Variants in TULP3 observed in about 807,000 individuals in gnomAD.
TULP3 encodes the protein tubby-related protein 3.
Under a neutral mutation model 50.7 loss-of-function variants are expected in TULP3, and 38 were observed. That is an observed-to-expected ratio of 0.75 (90% confidence interval 0.58 to 0.98). The LOEUF (loss-of-function observed/expected upper bound fraction) is 0.98, where lower values mean the gene tolerates loss of function less well. Ranked by LOEUF, TULP3 falls within the 50% of genes least tolerant of loss-of-function variation. TULP3 has a pLI of 0.00. For synonymous variants in TULP3, 183 were observed against 196.6 expected, an observed-to-expected ratio of 0.93 and a Z score of 0.58; for missense variants, 550 against 568.0, an observed-to-expected ratio of 0.97 and a Z score of 0.32.
At position 2,940,569 on chromosome 12, in the gene TULP3, TC is replaced by T. The variant is rs1252098863; in HGVS notation, c.*1127del. ...TTGAGAATGCAGGAGCTCTGTGAGC[TC>T]CACCGTCAGCACCATTCAGCTGCAT... On this transcript the variant is annotated 3_prime_UTR_variant, in exon 11 of 11. Transcript: ENST00000448120. The T allele has an allele frequency of 1.3e-6, 2 of 1,551,542 alleles. No individual in the cohort carries two copies. Among genetic ancestry groups the T allele is most frequent in the Admixed American group, 2.0e-5 (1 of 50,984 alleles).
chr12:2,891,878 A>AC (rs370866315), intron 1 of TULP3, among the ~76,000 whole-genome samples: 200 of 151,714 alleles, frequency 1.3e-3, no homozygotes, highest in Middle Eastern at 6.8e-3. Context: ...AGATAGCGAG[A>AC]CCCCCATCTC....
At chr12:2,891,131 G>A (rs965524949) in intron 1 of TULP3, 143 bp downstream of exon 1, 61 of 987,606 alleles carry the variant, frequency 6.2e-5, no homozygotes, top group Non-Finnish European at 8.4e-5. Context: ...TCGGCGGCGG[G>A]AGGCGACCCC....
chr12:2,927,258 G>A (rs944918351), intron 4 of TULP3, among the ~76,000 whole-genome samples: 1 of 151,102 alleles, frequency 6.6e-6, no homozygotes, highest in African/African-American at 2.4e-5. Flanking sequence ...ACCACATTTT[G>A]TTGATCAGCT....
At position 2,938,153 on chromosome 12, in the gene TULP3, A is replaced by G. The variant is rs201262022; in HGVS notation, c.1063A>G (p.Met355Val). 3.5e-5 allele frequency: 56 copies of G among 1,614,210 alleles called. No homozygotes were observed. The highest frequency in any genetic ancestry group is 4.6e-5 in the Non-Finnish European group (54 of 1,180,044). ...SLLSRWQNRT[M>V]ENLVELHNKA... ...GCTCTCAAGGTGGCAGAACAGAACTATGGAAAATCTGGTTGAGCTGCACAA... is the reference window on the plus strand; with the variant it reads ...GCTCTCAAGGTGGCAGAACAGAACTGTGGAAAATCTGGTTGAGCTGCACAA... Residue 355 changes from methionine to valine, a missense_variant, in exon 10 of 11, where the codon ATG (methionine) becomes GTG (valine). Transcript: ENST00000448120.
At chr12:2,921,698 T>C (rs2098191881) in intron 3 of TULP3, among the ~76,000 whole-genome samples, 1 of 152,156 alleles carries the variant, frequency 6.6e-6, no homozygotes. Flanking sequence ...CTACTTTGTT[T>C]TCTTGGTCTC....
intron 1 of TULP3, among the ~76,000 whole-genome samples, chr12:2,908,056 G>A (rs1279481933): frequency 6.6e-6 from 1 of 152,128 alleles, no homozygotes; most frequent in African/African-American, 2.4e-5. Context: ...CCTCCCAAGT[G>A]ATGAAGAGGA....
chr12:2,930,897 A>G, intron 5 of TULP3, 140 bp from the exon 6 acceptor site: 1 of 904,900 alleles, frequency 1.1e-6, no homozygotes. Flanking sequence ...ACTTAATTTA[A>G]CTTTTCAGTT....
chr12:2,927,467 A>G (rs558122657), intron 4 of TULP3, among the ~76,000 whole-genome samples: 10 of 145,902 alleles, frequency 6.9e-5, no homozygotes, highest in African/African-American at 2.3e-4. Context: ...CCTGGGTTCA[A>G]GGGATTCTCT....
intron 8 of TULP3, 89 bp from the exon 9 acceptor site, chr12:2,937,542 A>G: frequency 2.1e-6 from 2 of 942,084 alleles, no homozygotes; most frequent in Admixed American, 4.1e-5. Flanking sequence ...TCAGCATCTT[A>G]CATTCCCAAG....
At chr12:2,897,964 G>C (rs2098176518) in intron 1 of TULP3, among the ~76,000 whole-genome samples, 1 of 150,546 alleles carries the variant, frequency 6.6e-6, no homozygotes, top group African/African-American at 2.4e-5. Flanking sequence ...TGTGATCCCA[G>C]CTACTTGGGA....
At chr12:2,911,546 T>C (rs1434180094) in intron 2 of TULP3, among the ~76,000 whole-genome samples, 1 of 151,320 alleles carries the variant, frequency 6.6e-6, no homozygotes, top group Non-Finnish European at 1.5e-5. Context: ...TTTTAATTTT[T>C]ACTAGAGATG....
intron 1 of TULP3, among the ~76,000 whole-genome samples, chr12:2,893,333 T>G (rs567673227): frequency 1.9e-4 from 29 of 150,784 alleles, no homozygotes; most frequent in Admixed American, 3.3e-4. Flanking sequence ...ATGTGTTTTT[T>G]TTTTTTTTTT....
intron 1 of TULP3, among the ~76,000 whole-genome samples, chr12:2,902,103 A>G (rs568925335): frequency 6.6e-6 from 1 of 152,160 alleles, no homozygotes; most frequent in Non-Finnish European, 1.5e-5. Context: ...AGTTGAACCA[A>G]ATTTTTGTAA....
intron 1 of TULP3, among the ~76,000 whole-genome samples, chr12:2,892,061 C>T (rs567073926): frequency 2.0e-5 from 3 of 148,124 alleles, no homozygotes; most frequent in African/African-American, 5.1e-5. Flanking sequence ...GCCTGGGCAA[C>T]GCAGTGACAT....
In TULP3 at chr12:2,931,162, A is replaced by G. The variant is rs1431264214; in HGVS notation, c.618A>G (p.Ile206Met). 6.2e-7 allele frequency: 1 copy of G among 1,614,224 alleles called. No homozygotes were observed. Among genetic ancestry groups the G allele is most frequent in the East Asian group, 2.2e-5 (1 of 44,884 alleles). ...APQGVTVRCR[I>M]IRDKRGMDRG... The stretch of plus-strand genomic sequence containing the variant: ...AAGGTGTCACAGTAAGATGTCGGAT[A>G]ATCCGGGATAAAAGGGGAATGGATC... Residue 206 changes from isoleucine to methionine, a missense_variant, in exon 6 of 11, where the codon ATA (isoleucine) becomes ATG (methionine). Ile to Met is a conservative substitution (Grantham distance 10, BLOSUM62 1). Coordinates refer to ENST00000448120, the MANE Select transcript of TULP3 (RefSeq NM_003324.5).
chr12:2,893,718 T>G (rs912511225), intron 1 of TULP3, among the ~76,000 whole-genome samples: 6 of 40,566 alleles, frequency 1.5e-4, no homozygotes, highest in Non-Finnish European at 2.6e-4. Flanking sequence ...TTTTCTGTGT[T>G]TTTTTTTTTT....
chr12:2,938,048 T>C, intron 9 of TULP3, 66 bp from the exon 10 acceptor site: 1 of 1,539,298 alleles, frequency 6.5e-7, no homozygotes, highest in South Asian at 1.2e-5. Flanking sequence ...AGTATTCTCC[T>C]ACTCTACCTT....
chr12:2,926,364 C>T (rs1013465126), intron 4 of TULP3, among the ~76,000 whole-genome samples: 2 of 152,078 alleles, frequency 1.3e-5, no homozygotes, highest in African/African-American at 4.8e-5. Context: ...ATGGTGTAGT[C>T]CTATGTACTC....
At chr12:2,927,366 A>ATTTTTTTTTTTTTTTTTTTTTTTTTTTTT (rs71057864) in intron 4 of TULP3, among the ~76,000 whole-genome samples, 2 of 105,186 alleles carry the variant, frequency 1.9e-5, no homozygotes, top group South Asian at 3.3e-4. Context: ...GTTGAGACTG[A>ATTTTTTTTTTTTTTTTTTTTTTTTTTTTT]TTTTTTTTTT....
Sources: gnomAD v4.1 joint callset for allele counts (sites outside exome capture counted in the v4.1 genomes callset) on GRCh38, gnomAD v4.1.1 for gene constraint, MANE v1.5 for transcripts, NCBI Gene and HGNC (gene_info 2026-07-23, HGNC 2026-07-21) for gene names.